TRIM49: variants seen among roughly 807,000 people sequenced by gnomAD.
TRIM49 encodes the protein tripartite motif-containing protein 49.
TRIM49 carries 5 observed loss-of-function variants against 27.4 expected under a neutral mutation model. That is an observed-to-expected ratio of 0.18 (90% CI 0.10 to 0.38). The LOEUF (loss-of-function observed/expected upper bound fraction) is 0.38. Among genes scored for constraint, TRIM49 ranks in the 10% least tolerant of loss-of-function variants. TRIM49 has a pLI of 1.00. For synonymous variants in TRIM49, 69 were observed against 166.0 expected, an observed-to-expected ratio of 0.42 and a Z score of 4.49; for missense variants, 188 against 487.5, an observed-to-expected ratio of 0.39 and a Z score of 5.79.
the TRIM49 span, among the ~76,000 whole-genome samples, chr11:89,777,590 G>T: frequency 6.8e-6 from 1 of 146,984 alleles, no homozygotes; most frequent in African/African-American, 2.5e-5. Flanking sequence ...CGCTAAAGGA[G>T]GTTTCCTTAA....
the TRIM49 span, among the ~76,000 whole-genome samples, chr11:89,769,920 T>C: frequency 7.2e-5 from 9 of 124,204 alleles, no homozygotes; most frequent in Non-Finnish European, 1.6e-5. Context: ...CCAGTGTACA[T>C]GTTTAGAAGC....
At chr11:89,800,659 T>C (rs1949727798) in intron 6 of TRIM49, among the ~76,000 whole-genome samples, 1 of 149,930 alleles carries the variant, frequency 6.7e-6, no homozygotes. Flanking sequence ...AGGGGAATGG[T>C]GTGAACCCGG....
rs1484329242 is a variant in TRIM49, at chr11:89,803,674, A to G, written c.507+24T>C. ...ATTTGCCCACCATAAGTTCCTGGAG[A>G]AGGTAGAGTAGTACAGGACTAACCT... is the stretch of plus-strand genomic sequence containing the variant. On this transcript the variant is annotated intron_variant, in intron 4 of 7. Transcript: ENST00000329758. 5.3e-6 allele frequency: 5 copies of G among 937,362 alleles called. No homozygotes were observed. The East Asian group carries it at 1.0e-4, about 20-fold the overall frequency. The allele number at this position is 937,362 out of a possible 1,614,324, so 58.1% of individuals were successfully genotyped here. A position where few individuals can be genotyped will look rare whatever the true frequency, so the allele number is the denominator to read the frequency against.
Position 89,800,459 on chromosome 11 carries a change from A to AG in TRIM49, c.761+506dup, listed in dbSNP as rs1949725920. ...GGCTTTCAAGCAATAAAACAAAATCAGGGGCCGGGCGCGGTGGTTCACGCC... is the reference window on the plus strand; with the variant it reads ...GGCTTTCAAGCAATAAAACAAAATCAGGGGGCCGGGCGCGGTGGTTCACGCC... On this transcript the variant is annotated intron_variant, in intron 6 of 7. Coordinates refer to ENST00000329758, the MANE Select transcript of TRIM49 (RefSeq NM_020358.2). Among the ~76,000 whole-genome samples the AG allele has an allele frequency of 3.3e-5, 5 of 151,776 alleles. No individual in the cohort carries two copies. The South Asian group carries it at 8.3e-4, about 25-fold the overall frequency.
At position 89,800,076 on chromosome 11, in the gene TRIM49, G is replaced by A. The variant is rs375091937; in HGVS notation, c.762-263C>T. Among the ~76,000 whole-genome samples, 180 of 146,832 alleles carry A rather than the reference G, an allele frequency of 1.2e-3. 5 individuals are homozygous for A. The East Asian group carries it at 0.025, about 21-fold the overall frequency. Reference sequence around the variant, plus strand: ...TAAGGTTCCTTAGCTTTATGGCCTTGAGAATATTTAGAAACGAAATTCTGA... The same window carrying A: ...TAAGGTTCCTTAGCTTTATGGCCTTAAGAATATTTAGAAACGAAATTCTGA... On this transcript the variant is annotated intron_variant, in intron 6 of 7. Coordinates refer to ENST00000329758, the MANE Select transcript of TRIM49 (RefSeq NM_020358.2).
downstream of TRIM49, among the ~76,000 whole-genome samples, chr11:89,792,932 T>C (rs543505689): frequency 3.9e-5 from 6 of 152,214 alleles, no homozygotes; most frequent in East Asian, 9.6e-4. Flanking sequence ...CAATGAAACC[T>C]TCAAAAGATC....
intron 1 of TRIM49, among the ~76,000 whole-genome samples, chr11:89,807,688 C>T (rs1310043289): frequency 6.6e-6 from 1 of 151,018 alleles, no homozygotes; most frequent in African/African-American, 2.5e-5. Flanking sequence ...ACTATATCAC[C>T]TGGCTAATTT....
At chr11:89,776,631 A>G in the TRIM49 span, among the ~76,000 whole-genome samples, 19 of 151,354 alleles carry the variant, frequency 1.3e-4, no homozygotes, top group Middle Eastern at 3.4e-3. Flanking sequence ...CAACATTTAC[A>G]TTGTATTAGG....
intron 4 of TRIM49, among the ~76,000 whole-genome samples, chr11:89,802,635 A>G (rs565632700): frequency 1.3e-5 from 2 of 151,120 alleles, no homozygotes; most frequent in South Asian, 2.1e-4. Flanking sequence ...ACACACATAC[A>G]TACATATACA....
chr11:89,794,203 G>T (rs1350166504), downstream of TRIM49, among the ~76,000 whole-genome samples: 1 of 121,490 alleles, frequency 8.2e-6, no homozygotes. Flanking sequence ...CCTCTTCAAG[G>T]AGAACTACAA....
chr11:89,805,208 T>A (rs1333564912), intron 2 of TRIM49, among the ~76,000 whole-genome samples: 1 of 151,094 alleles, frequency 6.6e-6, no homozygotes, highest in Non-Finnish European at 1.5e-5. Context: ...CCCCTAGGGC[T>A]GTGCAAGCTC....
intron 4 of TRIM49, among the ~76,000 whole-genome samples, chr11:89,803,339 A>G (rs922926703): frequency 1.4e-5 from 2 of 143,866 alleles, no homozygotes; most frequent in African/African-American, 5.2e-5. Context: ...GACACTCAGA[A>G]GTTTCAGTTG....
chr11:89,806,379 T>C (rs1949789614), intron 2 of TRIM49, among the ~76,000 whole-genome samples: 1 of 148,742 alleles, frequency 6.7e-6, no homozygotes, highest in African/African-American at 2.5e-5. Context: ...TAATCTTTGT[T>C]TTGGCAATTT....
At chr11:89,791,936 G>T in the TRIM49 span, among the ~76,000 whole-genome samples, 1 of 149,040 alleles carries the variant, frequency 6.7e-6, no homozygotes, top group African/African-American at 2.5e-5. Context: ...CCAATTAAAA[G>T]ACACAGACTG....
chr11:89,777,857 T>C, the TRIM49 span: 7 of 493,164 alleles, frequency 1.4e-5, no homozygotes, highest in Middle Eastern at 5.6e-4. Context: ...CCTTTTTTTT[T>C]ATTGATAAGG....
At chr11:89,766,577 G>A in the TRIM49 span, 14 of 777,816 alleles carry the variant, frequency 1.8e-5, 1 homozygote, top group Admixed American at 2.0e-5. Flanking sequence ...GAACAGTCAG[G>A]TTTCTTAATC....
the TRIM49 span, among the ~76,000 whole-genome samples, chr11:89,775,814 G>A: frequency 6.8e-6 from 1 of 147,818 alleles, no homozygotes; most frequent in Non-Finnish European, 1.5e-5. Flanking sequence ...AATTTTAGGA[G>A]TTGACGGTCC....
downstream of TRIM49, among the ~76,000 whole-genome samples, chr11:89,794,241 T>G (rs1246384419): frequency 4.1e-5 from 5 of 122,542 alleles, no homozygotes; most frequent in Admixed American, 2.5e-4. Flanking sequence ...TAAAAGAGGA[T>G]ACAAACAAAT....
At chr11:89,807,452 T>C (rs540643067) in intron 1 of TRIM49, among the ~76,000 whole-genome samples, 168 bp from the exon 2 acceptor site, 1 of 151,562 alleles carries the variant, frequency 6.6e-6, no homozygotes, top group East Asian at 1.9e-4. Flanking sequence ...ATATGTAACA[T>C]AAATCCTGTC....
Sources: gnomAD v4.1 joint callset for allele counts (sites outside exome capture counted in the v4.1 genomes callset) on GRCh38, gnomAD v4.1.1 for gene constraint, MANE v1.5 for transcripts, NCBI Gene and HGNC (gene_info 2026-07-23, HGNC 2026-07-21) for gene names.